OCA2: variants seen among roughly 807,000 people sequenced by gnomAD.
OCA2 encodes P protein.
A neutral mutation model predicts 100.2 loss-of-function variants in OCA2; 77 were observed. That is an observed-to-expected ratio of 0.77 (90% confidence interval 0.64 to 0.93). The LOEUF (loss-of-function observed/expected upper bound fraction) is 0.93. Among genes scored for constraint, OCA2 ranks in the 40% least tolerant of loss-of-function variants. The pLI is 0.00. For synonymous variants in OCA2, 432 were observed against 439.2 expected (o/e 0.98, Z 0.21); for missense variants, 1,062 against 1,089.1 (o/e 0.98, Z 0.35).
intron 23 of OCA2, among the ~76,000 whole-genome samples, chr15:27,769,224 C>T (rs1566946728): frequency 6.6e-6 from 1 of 152,192 alleles, no homozygotes; most frequent in Non-Finnish European, 1.5e-5. Flanking sequence ...TCTCACCATG[C>T]CATGTTAGGG....
chr15:28,093,281 G>T (rs1475746385), intron 1 of OCA2, among the ~76,000 whole-genome samples: 1 of 152,028 alleles, frequency 6.6e-6, no homozygotes, highest in Non-Finnish European at 1.5e-5. Context: ...AATTAGCCAG[G>T]TGTGGTGGCG....
rs552402514 is a variant in OCA2, at chr15:27,872,485, G to A, written c.2080-563C>T. 2.7e-3 allele frequency among the ~76,000 whole-genome samples: 407 copies of A among 152,198 alleles called. 2 individuals are homozygous for A. Among genetic ancestry groups the A allele is most frequent in the African/African-American group, 9.5e-3 (393 of 41,534 alleles). On this transcript the variant is annotated intron_variant, in intron 19 of 23. Transcript: ENST00000354638. The stretch of plus-strand genomic sequence containing the variant: ...AGAAGATGAGACGCAGGAGCCTTCT[G>A]CCCAGGTGGCCAAGGTCCCACACAG...
In OCA2 at chr15:28,096,704, A is replaced by G. The variant is rs138835585; in HGVS notation, c.-22+2520T>C. ...TAAAAGCTTCTAGAACGTTAAGCCA[A>G]ACATCGTGGCTTTCCATCCGTTTTC... On this transcript the variant is annotated intron_variant, in intron 1 of 23. Coordinates refer to ENST00000354638, the MANE Select transcript of OCA2 (RefSeq NM_000275.3). Among the ~76,000 whole-genome samples, 385 of 152,286 alleles carry G rather than the reference A, an allele frequency of 2.5e-3. 1 individual carries two copies. Among genetic ancestry groups the G allele is most frequent in the African/African-American group, 8.8e-3 (366 of 41,576 alleles).
intron 23 of OCA2, among the ~76,000 whole-genome samples, chr15:27,812,621 T>C (rs942867028): frequency 6.6e-6 from 1 of 152,244 alleles, no homozygotes; most frequent in Non-Finnish European, 1.5e-5. Context: ...TTTTAGTTAT[T>C]ATTCATTCCA....
rs1404802515 is a variant in OCA2, at chr15:27,957,182, G to T, written c.1784+406C>A. On this transcript the variant is annotated intron_variant, in intron 16 of 23. Transcript: ENST00000354638. The surrounding 1 kb of genome is among the most constrained non-coding windows in gnomAD (Gnocchi z 4.3). ...GTGGGGCTTTCATATTCTTGCAGGT[G>T]CCTGAAAATCAACTGCTGGCAGAAT... Among the ~76,000 whole-genome samples, 1 of 152,250 alleles carries T rather than the reference G, an allele frequency of 6.6e-6. No individual in the cohort carries two copies. The highest frequency in any genetic ancestry group is 1.5e-5 in the Non-Finnish European group (1 of 68,046).
chr15:27,890,952 G>A (rs1420560853), intron 19 of OCA2, among the ~76,000 whole-genome samples: 1 of 151,760 alleles, frequency 6.6e-6, no homozygotes, highest in Non-Finnish European at 1.5e-5. Flanking sequence ...TTGAACCTGG[G>A]AGGCAGAGGT....
chr15:27,770,582 C>T (rs77849970), intron 23 of OCA2, among the ~76,000 whole-genome samples: 2,658 of 152,064 alleles, frequency 0.017, 101 homozygotes, highest in African/African-American at 0.06. Flanking sequence ...GCGCACGGTG[C>T]CCAGCGCAGC....
intron 19 of OCA2, among the ~76,000 whole-genome samples, chr15:27,878,466 T>C (rs1241862060): frequency 1.3e-5 from 2 of 152,158 alleles, no homozygotes; most frequent in Non-Finnish European, 2.9e-5. Flanking sequence ...TCCTGAAGGA[T>C]TATTTTGCTG....
At chr15:27,862,307 A>T (rs2036166026) in intron 21 of OCA2, among the ~76,000 whole-genome samples, 1 of 152,084 alleles carries the variant, frequency 6.6e-6, no homozygotes, top group Non-Finnish European at 1.5e-5. Flanking sequence ...CGTGGTCATC[A>T]GCCTCGAGTC....
At chr15:27,844,592 G>A (rs897058083) in intron 23 of OCA2, among the ~76,000 whole-genome samples, 3 of 151,990 alleles carry the variant, frequency 2.0e-5, no homozygotes, top group South Asian at 2.1e-4. Flanking sequence ...TCCACCTCCC[G>A]GGTTCAAGCA....
rs116129869 is a variant in OCA2, at chr15:27,934,829, A to C, written c.1952-8575T>G. The stretch of plus-strand genomic sequence containing the variant: ...TGTCTTGTTAGAAAAATTCCCTGCA[A>C]TAGCCTACAATCGAATGAAGACCTT... On this transcript the variant is annotated intron_variant, in intron 18 of 23. Transcript: ENST00000354638. Among the ~76,000 whole-genome samples, 860 of 152,306 alleles carry C rather than the reference A, an allele frequency of 5.6e-3. 13 individuals are homozygous for C. Among genetic ancestry groups the C allele is most frequent in the African/African-American group, 0.02 (827 of 41,568 alleles).
chr15:28,084,106 G>C (rs2044730778), intron 1 of OCA2, among the ~76,000 whole-genome samples: 1 of 152,224 alleles, frequency 6.6e-6, no homozygotes, highest in African/African-American at 2.4e-5. Context: ...AGACCCTTCT[G>C]AGAGTCGTGG....
chr15:27,821,414 A>G (rs1346789289), intron 23 of OCA2, among the ~76,000 whole-genome samples: 1 of 152,242 alleles, frequency 6.6e-6, no homozygotes, highest in Non-Finnish European at 1.5e-5. Context: ...ATGGGCACAT[A>G]CATGAACATA....
At chr15:27,839,472 A>G (rs2035270391) in intron 23 of OCA2, among the ~76,000 whole-genome samples, 1 of 152,234 alleles carries the variant, frequency 6.6e-6, no homozygotes, top group Non-Finnish European at 1.5e-5. Context: ...CACCTAAAAC[A>G]AAGTGATTTA....
chr15:27,933,469 C>A (rs761291273), intron 18 of OCA2, among the ~76,000 whole-genome samples: 1 of 152,104 alleles, frequency 6.6e-6, no homozygotes, highest in Non-Finnish European at 1.5e-5. Flanking sequence ...GTGATTGTCA[C>A]GCGTGTCCGT....
intron 14 of OCA2, among the ~76,000 whole-genome samples, chr15:27,979,868 G>GTTTT (rs35266057): frequency 9.3e-6 from 1 of 108,028 alleles, no homozygotes; most frequent in Non-Finnish European, 1.9e-5. Flanking sequence ...CCCAGCTAGT[G>GTTTT]TTTTTTTTTT....
At chr15:28,092,993 A>G (rs905284933) in intron 1 of OCA2, among the ~76,000 whole-genome samples, 10 of 152,098 alleles carry the variant, frequency 6.6e-5, no homozygotes, top group African/African-American at 2.2e-4. Flanking sequence ...ATTCAAAAGT[A>G]AACAAAAAAA....
rs10852218 is a variant in OCA2 at position 27,986,647 on chromosome 15, T to C, written c.1183-4A>G. The C allele has an allele frequency of 0.8, 1,235,863 of 1,552,170 alleles. 500,432 individuals carry two copies. Among genetic ancestry groups the C allele is most frequent in the East Asian group, 1 (44,478 of 44,538 alleles). On this transcript the variant is annotated splice_polypyrimidine_tract_variant and splice_region_variant and intron_variant, in intron 11 of 23. Transcript: ENST00000354638. Reference sequence around the variant, plus strand: ...AAAATATGGCTACTAAGATCATCTATGGGGAAAAGAAGAAGACAAGGATAA... The same window carrying C: ...AAAATATGGCTACTAAGATCATCTACGGGGAAAAGAAGAAGACAAGGATAA...
chr15:27,943,637 T>C (rs1338157826), intron 18 of OCA2, among the ~76,000 whole-genome samples: 1 of 146,330 alleles, frequency 6.8e-6, no homozygotes, highest in Non-Finnish European at 1.5e-5. Flanking sequence ...ACCTGCACAA[T>C]GTGCACATGT....
Sources: allele counts gnomAD v4.1 joint callset (sites outside exome capture counted in the v4.1 genomes callset), GRCh38; gene constraint gnomAD v4.1.1; non-coding constraint Gnocchi (gnomAD v3.1); transcripts MANE v1.5; gene names NCBI Gene and HGNC (gene_info 2026-07-23, HGNC 2026-07-21).